The following ATR variants were observed in gnomAD, a reference collection of about 807,000 sequenced individuals.
ATR encodes serine/threonine-protein kinase ATR.
ATR carries 142 observed loss-of-function variants against 305.3 expected under a neutral mutation model. The ratio of observed to expected loss-of-function variants is 0.47; its 90% CI spans 0.41 to 0.53. The LOEUF is 0.53. Ranked by LOEUF, ATR falls within the 20% of genes least tolerant of loss-of-function variation. The pLI is 0.00. For synonymous variants in ATR, 1,050 were observed against 1,068.1 expected, an observed-to-expected ratio of 0.98 and a Z score of 0.33; for missense variants, 2,135 against 3,133.1, an observed-to-expected ratio of 0.68 and a Z score of 7.60.
At position 142,508,116 on chromosome 3, in the gene ATR, C is replaced by A. The variant is rs376469111; in HGVS notation, c.4853-7G>T. On this transcript the variant is annotated splice_polypyrimidine_tract_variant and splice_region_variant and intron_variant, in intron 27 of 46. Transcript: ENST00000350721. ...TCATAATCCACAGTAGATACTAGAT[C>A]ATAAAAAAAGTTGAGTAATTAAAGA... 1.2e-6 allele frequency: 2 copies of A among 1,601,684 alleles called. No individual in the cohort carries two copies. Among genetic ancestry groups the A allele is most frequent in the Admixed American group, 1.7e-5 (1 of 58,176 alleles).
intron 3 of ATR, 34 bp from the exon 4 acceptor site, chr3:142,563,143 A>T: frequency 6.4e-7 from 1 of 1,569,290 alleles, no homozygotes; most frequent in African/African-American, 1.4e-5. Context: ...TTAAATAAAC[A>T]AGTATATCCG....
At chr3:142,577,917 A>G (rs1329267159) in intron 1 of ATR, among the ~76,000 whole-genome samples, 3 of 152,182 alleles carry the variant, frequency 2.0e-5, no homozygotes, top group African/African-American at 7.2e-5. Context: ...GTGGTAAGAT[A>G]CTGGTTTTCA....
At chr3:142,570,308 T>C (rs894955311) in intron 1 of ATR, among the ~76,000 whole-genome samples, 1 of 152,262 alleles carries the variant, frequency 6.6e-6, no homozygotes, top group African/African-American at 2.4e-5. Context: ...TTTTGCTGCC[T>C]GTGCTTTGTG....
In ATR at chr3:142,524,096, G is replaced by C; in HGVS notation, c.4049C>G (p.Ala1350Gly). 6.2e-7 allele frequency: 1 copy of C among 1,613,948 alleles called. No individual in the cohort carries two copies. Among genetic ancestry groups the C allele is most frequent in the Non-Finnish European group, 8.5e-7 (1 of 1,179,924 alleles). The change falls in exon 22 of 47, where the codon GCT (alanine) becomes GGT (glycine). Residue 1350 changes from alanine (A) to glycine (G), a missense_variant. Physicochemically the swap from Ala to Gly is moderately conservative, Grantham distance 60. Transcript: ENST00000350721. ...TAAACATTCCCCACAGAGCAACCGA[G>C]CTTGAGAGTTTGCATCTTGGCAACC... is the stretch of plus-strand genomic sequence containing the variant. ...LKGCQDANSQ[A>G]RLLCGECLGE...
intron 21 of ATR, among the ~76,000 whole-genome samples, chr3:142,532,426 T>A (rs974820498): frequency 6.6e-6 from 1 of 152,224 alleles, no homozygotes; most frequent in African/African-American, 2.4e-5. Context: ...TATGGTTTCT[T>A]AATTTGATCT....
intron 25 of ATR, among the ~76,000 whole-genome samples, chr3:142,514,494 C>T (rs577087046): frequency 4.0e-5 from 6 of 150,910 alleles, no homozygotes; most frequent in Non-Finnish European, 8.8e-5. Flanking sequence ...ATTAGCCGGG[C>T]GTGGTGGTGG....
chr3:142,455,633 G>C (rs1254814129), intron 45 of ATR, among the ~76,000 whole-genome samples: 1 of 152,178 alleles, frequency 6.6e-6, no homozygotes, highest in African/African-American at 2.4e-5. Context: ...AATTAAACGA[G>C]GGGCAAAATA....
chr3:142,541,653 T>G (rs904053928), intron 17 of ATR, among the ~76,000 whole-genome samples: 125 of 152,100 alleles, frequency 8.2e-4, no homozygotes, highest in African/African-American at 2.8e-3. Context: ...GCCAAAACAT[T>G]TTAGTTATTT....
At chr3:142,546,452 C>T (rs192971985) in intron 16 of ATR, among the ~76,000 whole-genome samples, 27 of 152,264 alleles carry the variant, frequency 1.8e-4, no homozygotes, top group African/African-American at 6.5e-4. Context: ...TGTTTCCTCC[C>T]AGGACCTAAC....
At position 142,519,662 on chromosome 3, in the gene ATR, T is replaced by TGTA. The variant is rs879666932; in HGVS notation, c.4382+6_4382+7insTAC. On this transcript the variant is annotated splice_region_variant and intron_variant, in intron 24 of 46. Transcript: ENST00000350721. ...TTTATGAAAATACATTAAATAAGCCTACATACCTGGTATTTAGATGAGGTT... is the reference window on the plus strand; with the variant it reads ...TTTATGAAAATACATTAAATAAGCCTGTAACATACCTGGTATTTAGATGAGGTT... 1.9e-6 allele frequency: 3 copies of TGTA among 1,589,568 alleles called. No individual in the cohort carries two copies. The highest frequency in any genetic ancestry group is 2.6e-6 in the Non-Finnish European group (3 of 1,157,854).
chr3:142,503,943 AT>A (rs1464350067), intron 29 of ATR, among the ~76,000 whole-genome samples: 2 of 152,338 alleles, frequency 1.3e-5, no homozygotes, highest in East Asian at 3.9e-4. Flanking sequence ...TCACATAAAC[AT>A]TCAAGCTCAA....
intron 17 of ATR, 59 bp from the exon 18 acceptor site, chr3:142,541,093 G>T (rs1213537075): frequency 1.9e-6 from 3 of 1,585,840 alleles, no homozygotes; most frequent in Non-Finnish European, 2.6e-6. Context: ...AGAAGCAGAT[G>T]AGCCCTAAGG....
chr3:142,478,363 G>T (rs1024934414), intron 36 of ATR, among the ~76,000 whole-genome samples: 3 of 152,164 alleles, frequency 2.0e-5, no homozygotes, highest in Non-Finnish European at 4.4e-5. Flanking sequence ...TAGTCATTCA[G>T]GAGCAGGTTG....
At chr3:142,462,967 T>C (rs1033487360) in intron 41 of ATR, among the ~76,000 whole-genome samples, 2 of 152,286 alleles carry the variant, frequency 1.3e-5, no homozygotes, top group East Asian at 3.9e-4. Flanking sequence ...TCTAGACCTG[T>C]ATGAAGTAAG....
At chr3:142,492,610 A>G (rs931549427) in intron 35 of ATR, among the ~76,000 whole-genome samples, 12 of 152,106 alleles carry the variant, frequency 7.9e-5, no homozygotes, top group Admixed American at 6.5e-4. Context: ...TTAACTCGTT[A>G]ATTTTGAACC....
At position 142,452,930 on chromosome 3, in the gene ATR, G is replaced by A. The variant is rs182442673; in HGVS notation, c.7761+198C>T. 2.9e-4 allele frequency: 414 copies of A among 1,428,128 alleles called. 1 individual carries two copies. Among genetic ancestry groups the A allele is most frequent in the Non-Finnish European group, 3.6e-4 (398 of 1,092,806 alleles). The allele number at this position is 1,428,128 out of a possible 1,614,324, so 88.5% of individuals were successfully genotyped here. A position where few individuals can be genotyped will look rare whatever the true frequency, so the allele number is the denominator to read the frequency against. ...CCATGAACTTTTATTATACAAATGC[G>A]AATACTGTTAACATTACTGACAATA... On this transcript the variant is annotated intron_variant, in intron 46 of 46. Coordinates refer to ENST00000350721, the MANE Select transcript of ATR (RefSeq NM_001184.4).
chr3:142,493,022 A>G, intron 35 of ATR, 110 bp downstream of exon 35: 1 of 1,211,730 alleles, frequency 8.3e-7, no homozygotes, highest in Non-Finnish European at 1.1e-6. Context: ...ACTCACTGAA[A>G]AGTCAAAAAA....
chr3:142,502,720 A>T (rs928551965), intron 30 of ATR, among the ~76,000 whole-genome samples: 1 of 152,124 alleles, frequency 6.6e-6, no homozygotes, highest in Non-Finnish European at 1.5e-5. Context: ...CCTTTTGACC[A>T]GATTTTACTG....
intron 23 of ATR, among the ~76,000 whole-genome samples, chr3:142,521,333 G>A (rs575883535): frequency 6.6e-6 from 1 of 152,274 alleles, no homozygotes; most frequent in East Asian, 1.9e-4. Context: ...TGGGAGCTCT[G>A]ATGGAGCTAT....
Sources: gnomAD v4.1 joint callset for allele counts (sites outside exome capture counted in the v4.1 genomes callset) on GRCh38, gnomAD v4.1.1 for gene constraint, MANE v1.5 for transcripts, NCBI Gene and HGNC (gene_info 2026-07-23, HGNC 2026-07-21) for gene names.